The following SCMH1 variants were observed in gnomAD, a reference collection of about 807,000 sequenced individuals.
SCMH1 encodes the protein polycomb protein SCMH1.
SCMH1 carries 37 observed loss-of-function variants against 70.8 expected under a neutral mutation model. That is an observed-to-expected ratio of 0.52 (90% CI 0.40 to 0.69). The LOEUF (loss-of-function observed/expected upper bound fraction) is 0.69. Ranked by LOEUF, SCMH1 falls within the 30% of genes least tolerant of loss-of-function variation. The pLI, the probability that SCMH1 is intolerant of heterozygous loss-of-function variation, is 0.00. For missense variants in SCMH1, 607 were observed against 827.3 expected (o/e 0.73, Z 3.27); for synonymous variants, 292 against 307.4 (o/e 0.95, Z 0.52).
intron 1 of SCMH1, among the ~76,000 whole-genome samples, chr1:41,201,916 T>C (rs559062644): frequency 2.0e-5 from 3 of 152,326 alleles, no homozygotes; most frequent in African/African-American, 4.8e-5. Context: ...CTGAGAATAA[T>C]GCCTCTTTAA....
At chr1:41,101,655 G>A (rs946968815) in intron 8 of SCMH1, among the ~76,000 whole-genome samples, 1 of 149,422 alleles carries the variant, frequency 6.7e-6, no homozygotes, top group Non-Finnish European at 1.5e-5. Context: ...TTTCATTTTG[G>A]AGAAAATGTC....
intron 4 of SCMH1, among the ~76,000 whole-genome samples, chr1:41,154,774 A>T (rs1022255696): frequency 6.6e-6 from 1 of 152,246 alleles, no homozygotes; most frequent in Non-Finnish European, 1.5e-5. Flanking sequence ...AACATATATA[A>T]TGTGAGTGTT....
chr1:41,173,141 T>C (rs935269015), intron 2 of SCMH1, among the ~76,000 whole-genome samples: 1 of 151,618 alleles, frequency 6.6e-6, no homozygotes, highest in Non-Finnish European at 1.5e-5. Flanking sequence ...AAGGAAACAA[T>C]CAACAGAGGG....
Position 41,106,318 on chromosome 1 carries a change from T to C in SCMH1, c.745+6965A>G, listed in dbSNP as rs574828142. On this transcript the variant is annotated intron_variant, in intron 8 of 14. Transcript: ENST00000337495. ...TCAGGGTGTGGTTCTGTCCTTGAGATAGTGAGTGAGTTCTGGTTGTTGTAA... is the reference window on the plus strand; with the variant it reads ...TCAGGGTGTGGTTCTGTCCTTGAGACAGTGAGTGAGTTCTGGTTGTTGTAA... Among the ~76,000 whole-genome samples, 6 of 151,522 alleles carry C rather than the reference T, an allele frequency of 4.0e-5. 1 individual carries two copies. Among genetic ancestry groups the C allele is most frequent in the African/African-American group, 1.5e-4 (6 of 40,946 alleles).
intron 4 of SCMH1, chr1:41,159,661 T>C (rs1645859934): frequency 8.1e-6 from 12 of 1,482,070 alleles, no homozygotes; most frequent in Non-Finnish European, 1.1e-5. Flanking sequence ...CTTAAAAAGC[T>C]TGAGGAAAGT....
chr1:41,055,097 G>A (rs985058907), intron 10 of SCMH1, among the ~76,000 whole-genome samples: 1 of 152,114 alleles, frequency 6.6e-6, no homozygotes, highest in African/African-American at 2.4e-5. Flanking sequence ...AACCTCTCAC[G>A]TTTCTAAGAG....
intron 12 of SCMH1, chr1:41,043,669 A>T (rs1318053676): frequency 6.8e-6 from 1 of 147,316 alleles, no homozygotes; most frequent in African/African-American, 2.5e-5. Context: ...TCCTGATCTC[A>T]CGATCCACCC....
chr1:41,174,354 T>C (rs1340937796), intron 2 of SCMH1, among the ~76,000 whole-genome samples: 1 of 151,872 alleles, frequency 6.6e-6, no homozygotes, highest in Admixed American at 6.6e-5. Context: ...TGTGGTGTTG[T>C]TGGCTGAGGT....
At chr1:41,095,669 G>A (rs546429155) in intron 8 of SCMH1, among the ~76,000 whole-genome samples, 5 of 152,246 alleles carry the variant, frequency 3.3e-5, no homozygotes, top group African/African-American at 1.2e-4. Flanking sequence ...GGTTGAACAT[G>A]CGAATATATA....
rs948791082 is a variant in SCMH1, at chr1:41,132,352, A to G, written c.412+10526T>C. On this transcript the variant is annotated intron_variant, in intron 6 of 14. Transcript: ENST00000337495. ...TTGGCTGCATAAATGTCTTCTTTTG[A>G]GAAGTGTCTGTTCATATCTGTTGCC... Among the ~76,000 whole-genome samples, 10 of 152,304 alleles carry G rather than the reference A, an allele frequency of 6.6e-5. No individual in the cohort carries two copies. The East Asian group carries it at 9.6e-4, about 15-fold the overall frequency.
exon 2 of SCMH1, chr1:41,186,148 A>C: frequency 6.8e-7 from 1 of 1,462,404 alleles, no homozygotes; most frequent in Non-Finnish European, 9.4e-7. Context: ...AATGGACTAA[A>C]AACCGGTCTA....
intron 4 of SCMH1, among the ~76,000 whole-genome samples, chr1:41,155,208 C>T (rs1170481051): frequency 6.6e-6 from 1 of 152,054 alleles, no homozygotes; most frequent in Non-Finnish European, 1.5e-5. Flanking sequence ...AAGGTACCTG[C>T]CCTGAAGAGA....
intron 6 of SCMH1, 123 bp downstream of exon 6, chr1:41,142,755 A>G: frequency 1.3e-6 from 1 of 764,378 alleles, no homozygotes; most frequent in Non-Finnish European, 2.1e-6. Flanking sequence ...GGGCCTTTTT[A>G]GGAGACTATA....
chr1:41,151,541 CT>C (rs1645077899), intron 5 of SCMH1, 72 bp downstream of exon 5: 2 of 1,202,712 alleles, frequency 1.7e-6, no homozygotes, highest in African/African-American at 3.1e-5. Context: ...CTTCCACCTC[CT>C]GTTTTGATTG....
chr1:41,180,521 G>T (rs1400394819), intron 2 of SCMH1, among the ~76,000 whole-genome samples: 3 of 152,174 alleles, frequency 2.0e-5, no homozygotes, highest in Non-Finnish European at 2.9e-5. Flanking sequence ...AAATCGATGT[G>T]CAAAAATCAA....
chr1:41,085,590 GA>G (rs1661371830), intron 8 of SCMH1, among the ~76,000 whole-genome samples: 1 of 152,176 alleles, frequency 6.6e-6, no homozygotes, highest in African/African-American at 2.4e-5. Context: ...TGTATTTGTA[GA>G]TGACATGACA....
At chr1:41,050,037 CAG>C (rs1647488234) in intron 10 of SCMH1, among the ~76,000 whole-genome samples, 1 of 151,576 alleles carries the variant, frequency 6.6e-6, no homozygotes, top group African/African-American at 2.4e-5. Context: ...GCCTGGATGA[CAG>C]AGACTCCGTC....
At chr1:41,090,384 T>C (rs1663059287) in intron 8 of SCMH1, among the ~76,000 whole-genome samples, 1 of 152,220 alleles carries the variant, frequency 6.6e-6, no homozygotes. Context: ...GATGCTCATA[T>C]CTGCTTCTGC....
chr1:41,106,243 G>A (rs561247115), intron 8 of SCMH1, among the ~76,000 whole-genome samples: 10 of 151,882 alleles, frequency 6.6e-5, no homozygotes, highest in African/African-American at 9.7e-5. Context: ...AAGCCCCAGC[G>A]TTGGAGGTGG....
Sources: allele counts gnomAD v4.1 joint callset (sites outside exome capture counted in the v4.1 genomes callset), GRCh38; gene constraint gnomAD v4.1.1; transcripts MANE v1.5; gene names NCBI Gene and HGNC (gene_info 2026-07-23, HGNC 2026-07-21).